UNC5C: variants seen among roughly 807,000 people sequenced by gnomAD.
UNC5C encodes the protein unc-5 netrin receptor C, also known as netrin receptor UNC5C.
Under a neutral mutation model 99.8 loss-of-function variants are expected in UNC5C, and 47 were observed. The ratio of observed to expected loss-of-function variants is 0.47; its 90% CI spans 0.37 to 0.60. The LOEUF is 0.60. Ranked by LOEUF, UNC5C falls within the 20% of genes least tolerant of loss-of-function variation. The pLI, the probability that UNC5C is intolerant of heterozygous loss-of-function variation, is 0.00. For synonymous variants in UNC5C, 487 were observed against 452.2 expected, an observed-to-expected ratio of 1.08 and a Z score of -0.98; for missense variants, 1,062 against 1,165.9, an observed-to-expected ratio of 0.91 and a Z score of 1.30.
rs370830619 is a variant in UNC5C at position 95,206,727 on chromosome 4, G to A, written c.1803C>T (p.Leu601=). ...GCATAGTGAGGACGACTGGGCGGGTGAGCAGAGCTCCTGGGGGCCCACAGC... is the reference window on the plus strand; with the variant it reads ...GCATAGTGAGGACGACTGGGCGGGTAAGCAGAGCTCCTGGGGGCCCACAGC... ...VVSCGPPGAL[L]TRPVVLTMHH... Residue 601 remains leucine (L), a synonymous_variant, in exon 11 of 16, where the codon CTC becomes CTT. Transcript: ENST00000453304. The A allele has an allele frequency of 2.5e-5, 40 of 1,613,776 alleles. No individual in the cohort carries two copies. Among genetic ancestry groups the A allele is most frequent in the Non-Finnish European group, 3.0e-5 (35 of 1,179,916 alleles).
At chr4:95,213,530 C>A (rs558033826) in intron 10 of UNC5C, among the ~76,000 whole-genome samples, 1 of 152,326 alleles carries the variant, frequency 6.6e-6, no homozygotes, top group East Asian at 1.9e-4. Flanking sequence ...CCTGCACTTT[C>A]GCTTAGAGCA....
At chr4:95,497,915 C>A (rs1046547563) in intron 1 of UNC5C, among the ~76,000 whole-genome samples, 1 of 151,884 alleles carries the variant, frequency 6.6e-6, no homozygotes, top group African/African-American at 2.4e-5. Flanking sequence ...CTTTAATAAG[C>A]TTTTAAATAG....
chr4:95,521,755 A>T (rs1032138), intron 1 of UNC5C, among the ~76,000 whole-genome samples: 121,340 of 152,172 alleles, frequency 0.8, 50,104 homozygotes, highest in Non-Finnish European at 0.9. Flanking sequence ...CTTGCCAAAA[A>T]TGTGGACTCT....
chr4:95,176,462 G>C (rs1211766051), intron 14 of UNC5C, among the ~76,000 whole-genome samples: 1 of 152,134 alleles, frequency 6.6e-6, no homozygotes, highest in African/African-American at 2.4e-5. Flanking sequence ...CCTTCTAACA[G>C]ACAGGACCCT....
intron 2 of UNC5C, 151 bp downstream of exon 2, chr4:95,335,259 A>T (rs1159970772): frequency 3.0e-6 from 2 of 677,654 alleles, no homozygotes; most frequent in Non-Finnish European, 4.8e-6. Context: ...ATGAAACAAG[A>T]TCACCAAACC....
At chr4:95,492,060 G>A (rs1051868509) in intron 1 of UNC5C, among the ~76,000 whole-genome samples, 1 of 151,570 alleles carries the variant, frequency 6.6e-6, no homozygotes, top group Non-Finnish European at 1.5e-5. Context: ...GTGTGTGTGA[G>A]GGTGTGTGTG....
intron 1 of UNC5C, among the ~76,000 whole-genome samples, chr4:95,369,971 T>C (rs1171118893): frequency 1.3e-5 from 2 of 151,988 alleles, no homozygotes; most frequent in Non-Finnish European, 1.5e-5. Context: ...GTTTATTCAC[T>C]GTCCACAAGA....
At position 95,178,846 on chromosome 4, in the gene UNC5C, T is replaced by A. The variant is rs1736479545; in HGVS notation, c.2451+4051A>T. Among the ~76,000 whole-genome samples the A allele has an allele frequency of 2.0e-5, 3 of 152,246 alleles. No homozygotes were observed. In the South Asian group the frequency reaches 6.2e-4, roughly 31 times the overall value. ...TATCCCTGGCTACTCACTCAGCCTA[T>A]TTATTTCTGTGTAGATGAAACAAGC... On this transcript the variant is annotated intron_variant, in intron 14 of 15. Coordinates refer to ENST00000453304, the MANE Select transcript of UNC5C (RefSeq NM_003728.4).
chr4:95,326,490 G>T (rs1004467557), intron 2 of UNC5C, among the ~76,000 whole-genome samples: 57 of 152,144 alleles, frequency 3.7e-4, no homozygotes, highest in Non-Finnish European at 6.3e-4. Flanking sequence ...AGTAGATCAT[G>T]ATTTCTATGG....
intron 2 of UNC5C, among the ~76,000 whole-genome samples, chr4:95,309,820 C>T (rs1742212960): frequency 6.6e-6 from 1 of 152,118 alleles, no homozygotes; most frequent in African/African-American, 2.4e-5. Context: ...CCCTTGCACT[C>T]TGTTGGTGGG....
In UNC5C at chr4:95,169,258, G is replaced by A. The variant is rs371625546; in HGVS notation, c.2772C>T (p.Ser924=). The part of the protein sequence containing the change: ...EEMGRHETVV[S]LAAEGQY Reference sequence around the variant, plus strand: ...GTTAATACTGCCCTTCTGCTGCTAAGGACACCACCGTTTCATGTCTTCCCA... The same window carrying A: ...GTTAATACTGCCCTTCTGCTGCTAAAGACACCACCGTTTCATGTCTTCCCA... The change falls in exon 16 of 16, where the codon TCC becomes TCT. Residue 924 remains serine, a synonymous_variant. Coordinates refer to ENST00000453304, the MANE Select transcript of UNC5C (RefSeq NM_003728.4). 7.9e-5 allele frequency: 127 copies of A among 1,614,116 alleles called. No homozygotes were observed. Among genetic ancestry groups the A allele is most frequent in the Admixed American group, 2.3e-4 (14 of 60,012 alleles).
Position 95,545,596 on chromosome 4 carries a change from T to A in UNC5C, c.124+3138A>T, listed in dbSNP as rs573231655. 3.3e-5 allele frequency among the ~76,000 whole-genome samples: 5 copies of A among 152,252 alleles called. No individual in the cohort carries two copies. In the East Asian group the frequency reaches 9.7e-4, roughly 29 times the overall value. ...TTAAGATAATAGGGAATTATCCCAA[T>A]CTAATTAGAGACTTCAGTAATTTTT... On this transcript the variant is annotated intron_variant, in intron 1 of 15. Transcript: ENST00000453304.
chr4:95,358,067 C>G (rs1392142783), intron 1 of UNC5C, among the ~76,000 whole-genome samples: 1 of 152,070 alleles, frequency 6.6e-6, no homozygotes, highest in Non-Finnish European at 1.5e-5. Context: ...TTAGTATAAG[C>G]TACCATCATA....
intron 5 of UNC5C, among the ~76,000 whole-genome samples, chr4:95,247,481 T>C (rs762515429): frequency 4.6e-5 from 7 of 152,162 alleles, no homozygotes; most frequent in Non-Finnish European, 1.0e-4. Context: ...GGGTTTAGGA[T>C]ATATGTACTG....
Position 95,224,221 on chromosome 4 carries a change from T to A in UNC5C, c.1109-4045A>T, listed in dbSNP as rs534452885. The stretch of plus-strand genomic sequence containing the variant: ...TCACTTGAGACTGGGAGGCGGAGAT[T>A]GCAGTGAGCAGAGATTGCGCCACTG... On this transcript the variant is annotated intron_variant, in intron 7 of 15. Transcript: ENST00000453304. Among the ~76,000 whole-genome samples, 133 of 152,306 alleles carry A rather than the reference T, an allele frequency of 8.7e-4. 1 individual carries two copies. Among genetic ancestry groups the A allele is most frequent in the African/African-American group, 3.1e-3 (127 of 41,576 alleles).
At chr4:95,337,182 C>T (rs1401973514) in intron 1 of UNC5C, among the ~76,000 whole-genome samples, 1 of 151,832 alleles carries the variant, frequency 6.6e-6, no homozygotes, top group Non-Finnish European at 1.5e-5. Context: ...TAGAAGTTAG[C>T]TGTTGGTTTT....
intron 1 of UNC5C, among the ~76,000 whole-genome samples, chr4:95,486,004 C>T (rs1378003789): frequency 6.6e-6 from 1 of 151,458 alleles, no homozygotes; most frequent in African/African-American, 2.4e-5. Flanking sequence ...TGGAAATGAA[C>T]CATAAAAATA....
At chr4:95,416,775 A>G (rs1269928507) in intron 1 of UNC5C, among the ~76,000 whole-genome samples, 1 of 152,216 alleles carries the variant, frequency 6.6e-6, no homozygotes, top group Non-Finnish European at 1.5e-5. Context: ...AATAGCTTGT[A>G]CTTCTTGAAA....
At chr4:95,283,478 C>A (rs558593458) in intron 3 of UNC5C, among the ~76,000 whole-genome samples, 1 of 152,162 alleles carries the variant, frequency 6.6e-6, no homozygotes, top group Admixed American at 6.5e-5. Flanking sequence ...ATATCGCGGC[C>A]GTGCAGCACA....
Sources: gnomAD v4.1 joint callset for allele counts (sites outside exome capture counted in the v4.1 genomes callset) on GRCh38, gnomAD v4.1.1 for gene constraint, MANE v1.5 for transcripts, NCBI Gene and HGNC (gene_info 2026-07-23, HGNC 2026-07-21) for gene names.